MYBPC1: variants seen among roughly 807,000 people sequenced by gnomAD.
The protein encoded by MYBPC1 is myosin-binding protein C, slow-type.
MYBPC1 carries 52 observed loss-of-function variants against 147.1 expected under a neutral mutation model. The observed-to-expected ratio is 0.35, with a 90% CI of 0.28 to 0.45. The LOEUF (loss-of-function observed/expected upper bound fraction) is 0.45, where lower values mean the gene tolerates loss of function less well. Among genes scored for constraint, MYBPC1 ranks in the 20% least tolerant of loss-of-function variants. The probability of loss-of-function intolerance (pLI) is 1.00; values close to 1 mark genes in which losing one functional copy is unlikely to be tolerated. For missense variants in MYBPC1, 1,228 were observed against 1,440.3 expected, an observed-to-expected ratio of 0.85 and a Z score of 2.39; for synonymous variants, 477 against 475.9, an observed-to-expected ratio of 1.00 and a Z score of -0.03.
At chr12:101,667,943 T>G (rs1274654098) in intron 23 of MYBPC1, 44 bp downstream of exon 23, 3 of 1,592,234 alleles carry the variant, frequency 1.9e-6, no homozygotes, top group Non-Finnish European at 2.6e-6. Flanking sequence ...TTTTACATGG[T>G]TCACTTTTTT....
At chr12:101,615,952 G>C (rs1457875341) in intron 2 of MYBPC1, among the ~76,000 whole-genome samples, 1 of 151,696 alleles carries the variant, frequency 6.6e-6, no homozygotes, top group East Asian at 1.9e-4. Context: ...CCAAGCTGGA[G>C]CGCAGTGGCA....
At chr12:101,663,715 C>T (rs1896967469) in intron 22 of MYBPC1, among the ~76,000 whole-genome samples, 155 bp downstream of exon 22, 1 of 152,190 alleles carries the variant, frequency 6.6e-6, no homozygotes, top group Admixed American at 6.5e-5. Flanking sequence ...ATAAACTAAG[C>T]CCTTTTTTAG....
chr12:101,676,827 G>A (rs974258705), intron 26 of MYBPC1, among the ~76,000 whole-genome samples: 38 of 152,086 alleles, frequency 2.5e-4, no homozygotes, highest in African/African-American at 8.9e-4. Context: ...TTAGCTTCAG[G>A]TCTTTCTCAT....
At position 101,677,351 on chromosome 12, in the gene MYBPC1, G is replaced by A; in HGVS notation, c.3066G>A (p.Glu1022=). ...VFSENMCGLS[E]DATMTKESAV... ...CTGAAAACATGTGTGGCCTCAGTGA[G>A]GATGCCACCATGACTAAAGAGAGTG... Residue 1022 remains glutamate, a synonymous_variant, in exon 27 of 32, where the codon GAG becomes GAA. Transcript: ENST00000361466. 6.2e-7 allele frequency: 1 copy of A among 1,614,048 alleles called. No individual in the cohort carries two copies. The highest frequency in any genetic ancestry group is 8.5e-7 in the Non-Finnish European group (1 of 1,179,986).
intron 7 of MYBPC1, 128 bp from the exon 8 acceptor site, chr12:101,631,893 G>T: frequency 7.8e-7 from 1 of 1,279,880 alleles, no homozygotes; most frequent in Non-Finnish European, 1.1e-6. Flanking sequence ...GGGGCTACAG[G>T]ACACATTTGC....
chr12:101,686,549 A>G (rs1255530023), downstream of MYBPC1, among the ~76,000 whole-genome samples: 4 of 152,256 alleles, frequency 2.6e-5, no homozygotes, highest in Non-Finnish European at 5.9e-5. Context: ...ATTTTCAGCA[A>G]CTTCCTTTAC....
intron 16 of MYBPC1, among the ~76,000 whole-genome samples, chr12:101,652,070 T>A (rs1298576866): frequency 6.6e-6 from 1 of 152,228 alleles, no homozygotes; most frequent in Non-Finnish European, 1.5e-5. Context: ...GTAGGGGACA[T>A]AATATCCTAG....
At chr12:101,636,030 T>G (rs1890913886) in intron 9 of MYBPC1, among the ~76,000 whole-genome samples, 1 of 152,150 alleles carries the variant, frequency 6.6e-6, no homozygotes, top group Admixed American at 6.5e-5. Flanking sequence ...GACAAATTTT[T>G]TTAAAACATA....
intron 10 of MYBPC1, among the ~76,000 whole-genome samples, chr12:101,641,828 A>ATT (rs62676162): frequency 0.017 from 2,519 of 149,794 alleles, 49 homozygotes; most frequent in African/African-American, 0.056. Context: ...GGCAGTTTCA[A>ATT]TTTTTTTTTT....
At chr12:101,660,802 G>A (rs1441912653) in intron 19 of MYBPC1, among the ~76,000 whole-genome samples, 2 of 152,124 alleles carry the variant, frequency 1.3e-5, no homozygotes, top group African/African-American at 2.4e-5. Context: ...CATGGCAGCA[G>A]ACAAGAGAGA....
At chr12:101,642,291 C>A in intron 10 of MYBPC1, 128 bp from the exon 11 acceptor site, 3 of 958,238 alleles carry the variant, frequency 3.1e-6, no homozygotes, top group Non-Finnish European at 3.3e-6. Context: ...GACTTCTGGG[C>A]TTCAAGTACT....
At chr12:101,648,923 T>C (rs1893806125) in intron 14 of MYBPC1, among the ~76,000 whole-genome samples, 1 of 151,614 alleles carries the variant, frequency 6.6e-6, no homozygotes, top group Non-Finnish European at 1.5e-5. Flanking sequence ...TAGAGAATCA[T>C]AGTTATCTTT....
At chr12:101,617,116 T>C (rs1886280647) in intron 2 of MYBPC1, 86 bp from the exon 3 acceptor site, 3 of 1,240,336 alleles carry the variant, frequency 2.4e-6, no homozygotes, top group Admixed American at 3.6e-5. Flanking sequence ...CATTTATTTC[T>C]TCCCTCCCCC....
downstream of MYBPC1, among the ~76,000 whole-genome samples, chr12:101,689,941 G>C (rs745341235): frequency 6.6e-6 from 1 of 152,190 alleles, no homozygotes; most frequent in Non-Finnish European, 1.5e-5. Flanking sequence ...TTGGGAGGCC[G>C]AGGCAGGTGG....
At position 101,667,818 on chromosome 12, in the gene MYBPC1, G is replaced by T. The variant is rs753478425; in HGVS notation, c.2443G>T (p.Val815Leu). The T allele has an allele frequency of 1.9e-6, 3 of 1,614,056 alleles. 1 individual carries two copies. In the African/African-American group the frequency reaches 4.0e-5, roughly 22 times the overall value. Residue 815 changes from valine to leucine, a missense_variant, in exon 23 of 32, where the codon GTG (valine) becomes TTG (leucine). Physicochemically the swap from Val to Leu is conservative, Grantham distance 32 (BLOSUM62 1). This residue lies in a region of MYBPC1 where 1,077 missense variants were observed against 1,314.2 expected (regional missense o/e 0.82). Coordinates refer to ENST00000361466, the MANE Select transcript of MYBPC1 (RefSeq NM_002465.4). ...TGLPTDAKIF[V>L]RVKAVNAAGA... ...TCTGCCAACAGATGCAAAGATCTTTGTGCGTGTGAAGGCTGTTAATGCAGC... is the reference window on the plus strand; with the variant it reads ...TCTGCCAACAGATGCAAAGATCTTTTTGCGTGTGAAGGCTGTTAATGCAGC...
chr12:101,669,928 GAAAAAAAAAAAGA>G (rs1898220188), intron 23 of MYBPC1: 1 of 166,292 alleles, frequency 6.0e-6, no homozygotes, highest in Non-Finnish European at 1.1e-5. Context: ...GAGACTCTCT[GAAAAAAAAAAAGA>G]AAAAAAAAAA....
At chr12:101,695,247 G>A in the MYBPC1 span, among the ~76,000 whole-genome samples, 20 of 152,238 alleles carry the variant, frequency 1.3e-4, no homozygotes, top group East Asian at 3.9e-4. Flanking sequence ...GGATAATGCC[G>A]AACCCTATAT....
chr12:101,639,152 G>A (rs11610531), intron 10 of MYBPC1, among the ~76,000 whole-genome samples: 6,028 of 152,248 alleles, frequency 0.04, 191 homozygotes, highest in South Asian at 0.14. Flanking sequence ...TCCTGTTATA[G>A]GAATTGACCT....
At chr12:101,642,646 C>T (rs1892310170) in intron 11 of MYBPC1, 61 bp downstream of exon 11, 12 of 1,540,068 alleles carry the variant, frequency 7.8e-6, no homozygotes, top group African/African-American at 1.4e-5. Flanking sequence ...AAAGCCTTGA[C>T]CGTGAACCCC....
Sources: allele counts gnomAD v4.1 joint callset (sites outside exome capture counted in the v4.1 genomes callset), GRCh38; gene constraint gnomAD v4.1.1; regional missense constraint gnomAD v4.1.1; transcripts MANE v1.5; gene names NCBI Gene and HGNC (gene_info 2026-07-23, HGNC 2026-07-21).